The following CRACD variants were observed in gnomAD, a reference collection of about 807,000 sequenced individuals.
The protein encoded by CRACD is capping protein-inhibiting regulator of actin dynamics.
CRACD carries 56 observed loss-of-function variants against 106.8 expected under a neutral mutation model. The observed-to-expected ratio is 0.52, with a 90% CI of 0.42 to 0.66. The LOEUF is 0.66. Ranked by LOEUF, CRACD falls within the 30% of genes least tolerant of loss-of-function variation. The pLI, the probability that CRACD is intolerant of heterozygous loss-of-function variation, is 0.00. For missense variants in CRACD, 1,730 were observed against 1,623.2 expected, an observed-to-expected ratio of 1.07 and a Z score of -1.13; for synonymous variants, 754 against 670.8, an observed-to-expected ratio of 1.12 and a Z score of -1.92.
chr4:56,101,433 C>T (rs1045720687), intron 1 of CRACD, among the ~76,000 whole-genome samples: 2 of 152,104 alleles, frequency 1.3e-5, no homozygotes, highest in African/African-American at 4.8e-5. Flanking sequence ...GAATTTGGCA[C>T]TTGGCGTCTG....
At chr4:56,318,494 G>A (rs1745833278) in intron 8 of CRACD, among the ~76,000 whole-genome samples, 1 of 152,154 alleles carries the variant, frequency 6.6e-6, no homozygotes, top group African/African-American at 2.4e-5. Context: ...CGTCTGCTAT[G>A]TCACTTGCCT....
In CRACD at chr4:56,267,183, C is replaced by T. The variant is rs1044994149; in HGVS notation, c.-188-5138C>T. 7.3e-5 allele frequency among the ~76,000 whole-genome samples: 11 copies of T among 150,988 alleles called. 1 individual carries two copies. Among genetic ancestry groups the T allele is most frequent in the Admixed American group, 2.0e-4 (3 of 15,174 alleles). ...TCGCTCGGGCTGGATTGCAGTGGTG[C>T]GATCTCGGCTCACTACAACCTCTGC... is the stretch of plus-strand genomic sequence containing the variant. On this transcript the variant is annotated intron_variant, in intron 2 of 10. Transcript: ENST00000682029.
chr4:56,108,510 G>A (rs1410092852), intron 1 of CRACD, among the ~76,000 whole-genome samples: 1 of 152,150 alleles, frequency 6.6e-6, no homozygotes. Flanking sequence ...GCGGAGACGA[G>A]AGATTGTAAA....
At chr4:56,276,530 T>C (rs1006096589) in intron 3 of CRACD, among the ~76,000 whole-genome samples, 1 of 152,350 alleles carries the variant, frequency 6.6e-6, no homozygotes, top group Admixed American at 6.5e-5. Flanking sequence ...TGAACTCATA[T>C]AATATTTACC....
intron 1 of CRACD, among the ~76,000 whole-genome samples, chr4:56,089,509 A>ATTTTT (rs761380094): frequency 8.0e-6 from 1 of 124,316 alleles, no homozygotes; most frequent in Non-Finnish European, 1.7e-5. Context: ...GTATTATAGG[A>ATTTTT]TTTTTTTTTT....
chr4:56,250,764 G>A (rs1270276307), intron 2 of CRACD, among the ~76,000 whole-genome samples: 2 of 152,178 alleles, frequency 1.3e-5, no homozygotes, highest in Non-Finnish European at 2.9e-5. Context: ...CTCACAGAGT[G>A]GTCGTGAGGT....
chr4:56,288,567 T>A (rs2109693414), intron 3 of CRACD: 1 of 154,002 alleles, frequency 6.5e-6, no homozygotes, highest in South Asian at 2.0e-4. Context: ...AGTTGTAGTG[T>A]ATGTGCTGCT....
rs36000908 is a variant in CRACD, at chr4:56,223,040, T to TA, written c.-189+43624dup. ...ATAAAAGTTAAGAAACCAGTAAACT[T>TA]AAAAAAAAAAAAAAGCAGCAGATCT... On this transcript the variant is annotated intron_variant, in intron 2 of 10. Coordinates refer to ENST00000682029, the MANE Select transcript of CRACD (RefSeq NM_001393381.1). 2.5e-3 allele frequency among the ~76,000 whole-genome samples: 345 copies of TA among 135,770 alleles called. 1 individual carries two copies. Among genetic ancestry groups the TA allele is most frequent in the East Asian group, 9.8e-3 (47 of 4,778 alleles). The allele number at this position is 135,770 out of a possible 152,430, so 89.1% of individuals were successfully genotyped here. A position where few individuals can be genotyped will look rare whatever the true frequency, so the allele number is the denominator to read the frequency against.
chr4:56,207,225 C>T (rs1738164549), intron 2 of CRACD, among the ~76,000 whole-genome samples: 1 of 152,244 alleles, frequency 6.6e-6, no homozygotes, highest in African/African-American at 2.4e-5. Context: ...ACAGACACCT[C>T]TGTTTAGCCA....
At chr4:56,253,258 A>T (rs1386319717) in intron 2 of CRACD, among the ~76,000 whole-genome samples, 2 of 152,254 alleles carry the variant, frequency 1.3e-5, no homozygotes. Flanking sequence ...AAAATTTGGC[A>T]AACAGACCAG....
At chr4:56,232,988 C>T (rs1257842074) in intron 2 of CRACD, among the ~76,000 whole-genome samples, 1 of 152,042 alleles carries the variant, frequency 6.6e-6, no homozygotes, top group Non-Finnish European at 1.5e-5. Context: ...CTCAGCATCC[C>T]TAAGTGCTGG....
intron 2 of CRACD, among the ~76,000 whole-genome samples, chr4:56,194,435 G>T (rs1018766969): frequency 2.0e-5 from 3 of 152,198 alleles, no homozygotes; most frequent in Non-Finnish European, 2.9e-5. Flanking sequence ...TAACGTTATT[G>T]CTTATGTTTC....
chr4:56,202,239 G>A (rs2109475678), intron 2 of CRACD, among the ~76,000 whole-genome samples: 1 of 152,166 alleles, frequency 6.6e-6, no homozygotes, highest in South Asian at 2.1e-4. Context: ...TCTTTTTCCT[G>A]TTTTTCAAGT....
In CRACD at chr4:56,314,948, G is replaced by C; in HGVS notation, c.1446G>C (p.Lys482Asn). The C allele has an allele frequency of 1.3e-6, 2 of 1,595,830 alleles. No homozygotes were observed. Among genetic ancestry groups the C allele is most frequent in the Non-Finnish European group, 1.7e-6 (2 of 1,172,648 alleles). The change falls in exon 8 of 11, where the codon AAG (lysine) becomes AAC (asparagine). Residue 482 changes from lysine to asparagine, a missense_variant. By Grantham distance (94) the Lys-to-Asn change is moderately conservative. Coordinates refer to ENST00000682029, the MANE Select transcript of CRACD (RefSeq NM_001393381.1). The surrounding 1 kb of genome is among the most constrained non-coding windows in gnomAD (Gnocchi z 4.4). ...CCGATCGTCCTGGGCCCGAGGAAAAGAGAGAAGAAGGGGACACGGAGCCTC... is the reference window on the plus strand; with the variant it reads ...CCGATCGTCCTGGGCCCGAGGAAAACAGAGAAGAAGGGGACACGGAGCCTC... Reference protein sequence around the residue: ...QGADRPGPEEKREEGDTEPLL... With the variant: ...QGADRPGPEENREEGDTEPLL...
chr4:56,184,397 T>C (rs533579342), intron 2 of CRACD, among the ~76,000 whole-genome samples: 26 of 152,228 alleles, frequency 1.7e-4, no homozygotes, highest in African/African-American at 6.3e-4. Context: ...GTCCTGGAAG[T>C]GTGTGGAAAT....
At chr4:56,094,143 A>T (rs1236762848) in intron 1 of CRACD, among the ~76,000 whole-genome samples, 1 of 152,240 alleles carries the variant, frequency 6.6e-6, no homozygotes, top group Non-Finnish European at 1.5e-5. Context: ...GGATTTAAAA[A>T]TTGTAGTTGA....
chr4:56,213,447 AAAAATAAAAT>A (rs138574641), intron 2 of CRACD, among the ~76,000 whole-genome samples: 3 of 151,912 alleles, frequency 2.0e-5, no homozygotes, highest in Non-Finnish European at 2.9e-5. Flanking sequence ...ACTCCACCTC[AAAAATAAAAT>A]AAAATAAAAT....
At chr4:56,070,708 A>G (rs1017584205) in intron 1 of CRACD, among the ~76,000 whole-genome samples, 2 of 152,192 alleles carry the variant, frequency 1.3e-5, no homozygotes, top group African/African-American at 4.8e-5. Context: ...ACTGGGTGCT[A>G]AAGCTGCTCT....
chr4:56,295,701 A>G lies in CRACD; in HGVS notation c.-16-2513A>G, dbSNP rs913631395. Reference sequence around the variant, plus strand: ...TATATATATATATATATATATATATATATATATATATGCCCTTTGCAAAAA... The same window carrying G: ...TATATATATATATATATATATATATGTATATATATATGCCCTTTGCAAAAA... On this transcript the variant is annotated intron_variant, in intron 3 of 10. Coordinates refer to ENST00000682029, the MANE Select transcript of CRACD (RefSeq NM_001393381.1). 2.3e-4 allele frequency among the ~76,000 whole-genome samples: 22 copies of G among 95,354 alleles called. No individual in the cohort carries two copies. In the East Asian group the frequency reaches 2.9e-3, roughly 12 times the overall value. 62.6% of individuals were successfully genotyped at this position (95,354 alleles called of 152,430 possible). A position where few individuals can be genotyped will look rare whatever the true frequency, so the allele number is the denominator to read the frequency against.
Sources: gnomAD v4.1 joint callset for allele counts (sites outside exome capture counted in the v4.1 genomes callset) on GRCh38, gnomAD v4.1.1 for gene constraint, Gnocchi (gnomAD v3.1) non-coding constraint, MANE v1.5 for transcripts, NCBI Gene and HGNC (gene_info 2026-07-23, HGNC 2026-07-21) for gene names.